Variants in STIL observed in about 807,000 individuals in gnomAD.
The protein encoded by STIL is STIL centriolar assembly protein, also known as SCL-interrupting locus protein.
Under a neutral mutation model 110.1 loss-of-function variants are expected in STIL, and 55 were observed. The observed-to-expected ratio is 0.50, with a 90% CI of 0.40 to 0.63. The LOEUF is 0.63. STIL is among the 20% of genes least tolerant of loss of function. The pLI is 0.00. For synonymous variants in STIL, 481 were observed against 530.0 expected, an observed-to-expected ratio of 0.91 and a Z score of 1.27; for missense variants, 1,358 against 1,530.0, an observed-to-expected ratio of 0.89 and a Z score of 1.87.
At chr1:47,263,216 GGT>G in intron 14 of STIL, 100 bp from the exon 15 acceptor site, 1 of 1,131,078 alleles carries the variant, frequency 8.8e-7, no homozygotes, top group East Asian at 2.6e-5. Flanking sequence ...AGCAGCACCT[GGT>G]TGTATTTTTA....
At chr1:47,310,200 T>C (rs1308019711) in intron 2 of STIL, 76 bp downstream of exon 2, 20 of 1,433,668 alleles carry the variant, frequency 1.4e-5, no homozygotes, top group South Asian at 3.5e-5. Context: ...GATTATATTC[T>C]TTTTTCTCTT....
At chr1:47,283,701 G>A (rs989007792) in intron 10 of STIL, 1 of 152,128 alleles carries the variant, frequency 6.6e-6, no homozygotes, top group Admixed American at 6.5e-5. Flanking sequence ...TGAATTAGGT[G>A]AAATTTGGTG....
chr1:47,281,101 G>A lies in STIL; in HGVS notation c.1357C>T (p.Pro453Ser). 1 of 1,614,146 alleles carries A rather than the reference G, an allele frequency of 6.2e-7. No homozygotes were observed. Among genetic ancestry groups the A allele is most frequent in the South Asian group, 1.1e-5 (1 of 91,086 alleles). ...TGTTCCAAGTGGTTAATCAAAGGAG[G>A]ATTTTCATTATTCACCATTTCCAAT... The part of the protein sequence containing the change: ...TPLEMVNNEN[P>S]PLINHLEHLK... Residue 453 changes from proline to serine, a missense_variant, in exon 12 of 17, where the codon CCT (proline) becomes TCT (serine). Physicochemically the swap from Pro to Ser is moderately conservative, Grantham distance 74. Transcript: ENST00000371877.
chr1:47,305,653 G>A (rs1260761768), intron 2 of STIL, among the ~76,000 whole-genome samples: 1 of 148,872 alleles, frequency 6.7e-6, no homozygotes, highest in African/African-American at 2.5e-5. Flanking sequence ...GTCCTGATCT[G>A]CTGACCTCAT....
chr1:47,313,361 G>A (rs576225141), intron 1 of STIL, among the ~76,000 whole-genome samples: 34 of 151,980 alleles, frequency 2.2e-4, no homozygotes, highest in African/African-American at 7.7e-4. Context: ...TTAAAAAGCC[G>A]ATGGCTCTTC....
At chr1:47,305,725 CTTTTT>C (rs71572652) in intron 2 of STIL, among the ~76,000 whole-genome samples, 3 of 43,432 alleles carry the variant, frequency 6.9e-5, no homozygotes, top group South Asian at 2.9e-3. Context: ...CACGCCTGGC[CTTTTT>C]TTTTTTTTTT....
chr1:47,301,524 G>T (rs1307811855), intron 5 of STIL, 37 bp downstream of exon 5: 1 of 1,549,452 alleles, frequency 6.5e-7, no homozygotes, highest in Non-Finnish European at 8.9e-7. Flanking sequence ...TTTGATTCTT[G>T]TGTTGAATTA....
chr1:47,308,621 G>C (rs1373058525), intron 2 of STIL, among the ~76,000 whole-genome samples: 2 of 151,838 alleles, frequency 1.3e-5, no homozygotes, highest in East Asian at 3.9e-4. Flanking sequence ...GGGAAGAGTA[G>C]TAGGGGTTGG....
At chr1:47,255,652 T>C (rs12140580) in intron 16 of STIL, among the ~76,000 whole-genome samples, 39,361 of 151,840 alleles carry the variant, frequency 0.26, 5,424 homozygotes, top group Non-Finnish European at 0.31. Flanking sequence ...ACTAAGCAGA[T>C]AGCCAGGAAG....
At chr1:47,296,601 C>T (rs1645647483) in intron 6 of STIL, among the ~76,000 whole-genome samples, 1 of 151,736 alleles carries the variant, frequency 6.6e-6, no homozygotes, top group African/African-American at 2.4e-5. Context: ...GTGAGGAGTT[C>T]GAGACCAGCA....
At chr1:47,274,882 T>G (rs1302785517) in intron 12 of STIL, among the ~76,000 whole-genome samples, 1 of 152,092 alleles carries the variant, frequency 6.6e-6, no homozygotes, top group Admixed American at 6.6e-5. Flanking sequence ...CTGGGTGCAG[T>G]GGCTCACACC....
intron 12 of STIL, among the ~76,000 whole-genome samples, chr1:47,275,888 A>G (rs539188447): frequency 6.6e-6 from 1 of 152,308 alleles, no homozygotes; most frequent in South Asian, 2.1e-4. Context: ...TGGCCTCCCA[A>G]AATGCTGGGA....
chr1:47,259,675 T>G (rs1644429846), intron 16 of STIL, among the ~76,000 whole-genome samples: 1 of 152,222 alleles, frequency 6.6e-6, no homozygotes, highest in Non-Finnish European at 1.5e-5. Flanking sequence ...CTGTATTGTT[T>G]TTTAAAACCA....
intron 2 of STIL, among the ~76,000 whole-genome samples, chr1:47,306,451 G>A (rs1156835534): frequency 1.3e-5 from 2 of 151,972 alleles, no homozygotes; most frequent in East Asian, 3.9e-4. Context: ...ACAGGGTCCT[G>A]CTATGTTTCC....
At chr1:47,280,145 A>G (rs1645115645) in intron 12 of STIL, 96 bp downstream of exon 12, 1 of 1,526,144 alleles carries the variant, frequency 6.6e-7, no homozygotes, top group Non-Finnish European at 9.0e-7. Context: ...CTGACATTCT[A>G]TACTTCTATA....
At chr1:47,301,794 A>C (rs1410001953) in intron 4 of STIL, 46 bp from the exon 5 acceptor site, 7 of 1,581,920 alleles carry the variant, frequency 4.4e-6, no homozygotes, top group African/African-American at 1.3e-5. Flanking sequence ...CTAATTAAAA[A>C]CATAAAATCA....
At position 47,274,471 on chromosome 1, in the gene STIL, C is replaced by T. The variant is rs557856568; in HGVS notation, c.2218-2230G>A. ...TCAGCCTCCCGAGTAGCTGGGACTA[C>T]GCCAGGCTAATTTTTTGTATTTTTT... On this transcript the variant is annotated intron_variant, in intron 12 of 16. Transcript: ENST00000371877. Among the ~76,000 whole-genome samples the T allele has an allele frequency of 8.1e-5, 12 of 147,908 alleles. No individual in the cohort carries two copies. In the East Asian group the frequency reaches 2.2e-3, roughly 27 times the overall value.
intron 8 of STIL, among the ~76,000 whole-genome samples, chr1:47,291,336 G>A (rs1023001449): frequency 6.6e-6 from 1 of 151,680 alleles, no homozygotes. Flanking sequence ...ACTCCAGCCT[G>A]GGCGACAGAG....
At chr1:47,305,594 A>C (rs1645934216) in intron 2 of STIL, among the ~76,000 whole-genome samples, 1 of 149,722 alleles carries the variant, frequency 6.7e-6, no homozygotes, top group Non-Finnish European at 1.5e-5. Context: ...ATGCCTGGCT[A>C]ATTTTTTGTA....
Sources: allele counts gnomAD v4.1 joint callset (sites outside exome capture counted in the v4.1 genomes callset), GRCh38; gene constraint gnomAD v4.1.1; transcripts MANE v1.5; gene names NCBI Gene and HGNC (gene_info 2026-07-23, HGNC 2026-07-21).